The following NOL10 variants were observed in gnomAD, a reference collection of about 807,000 sequenced individuals.
NOL10 encodes H_NH0074G24.1.
NOL10 carries 58 observed loss-of-function variants against 103.5 expected under a neutral mutation model. The observed-to-expected ratio is 0.56, with a 90% confidence interval of 0.45 to 0.70. NOL10 has a LOEUF of 0.70. Ranked by LOEUF, NOL10 falls within the 30% of genes least tolerant of loss-of-function variation. The probability of loss-of-function intolerance (pLI) is 0.00; values close to 1 mark genes in which losing one functional copy is unlikely to be tolerated. For missense variants in NOL10, 763 were observed against 807.3 expected (o/e 0.95, Z 0.67); for synonymous variants, 287 against 282.5 (o/e 1.02, Z -0.16).
intron 19 of NOL10, among the ~76,000 whole-genome samples, chr2:10,583,672 T>A (rs1371060940): frequency 6.6e-6 from 1 of 152,256 alleles, no homozygotes; most frequent in Non-Finnish European, 1.5e-5. Context: ...GAACTGATGG[T>A]GGAGTTTGTG....
intron 13 of NOL10, among the ~76,000 whole-genome samples, chr2:10,631,910 C>A (rs1377976856): frequency 6.6e-6 from 1 of 152,134 alleles, no homozygotes; most frequent in Admixed American, 6.5e-5. Context: ...GACGGGGTTT[C>A]TCCATGTTGG....
intron 13 of NOL10, among the ~76,000 whole-genome samples, chr2:10,641,834 C>A (rs116616509): frequency 0.033 from 5,033 of 152,206 alleles, 292 homozygotes; most frequent in African/African-American, 0.12. Context: ...AGGACTGCCC[C>A]TCCCCACCTC....
Position 10,577,683 on chromosome 2 carries a change from A to C in NOL10, c.1900T>G (p.Ser634Ala). Residue 634 changes from serine (S) to alanine (A), a missense_variant, in exon 20 of 21, where the codon TCC becomes GCC. By Grantham distance (99) the Ser-to-Ala change is moderately conservative (BLOSUM62 1). Transcript: ENST00000381685. ...TGTTTGCTGCCAACGGTGGTGTCGG[A>C]TACACTCAATGTCCCATTTTTTGCT... ...IEAKNGTLSV[S>A]DTTVGSKQLT... is the part of the protein sequence containing the mutation. 1 of 1,613,210 alleles carries C rather than the reference A, an allele frequency of 6.2e-7. No homozygotes were observed. The highest frequency in any genetic ancestry group is 8.5e-7 in the Non-Finnish European group (1 of 1,179,506).
intron 13 of NOL10, among the ~76,000 whole-genome samples, chr2:10,622,496 A>AAAAAAAG (rs144600201): frequency 0.19 from 27,588 of 148,634 alleles, 3,377 homozygotes; most frequent in East Asian, 0.41. Flanking sequence ...TTCAAAAAAA[A>AAAAAAAG]AGAGAGAAGA....
intron 17 of NOL10, among the ~76,000 whole-genome samples, chr2:10,595,848 G>A (rs1675658147): frequency 1.3e-5 from 2 of 151,522 alleles, no homozygotes; most frequent in African/African-American, 4.9e-5. Context: ...CAAGTGATCT[G>A]CCTGCCTTGG....
At chr2:10,666,504 T>G (rs1047114566) in intron 8 of NOL10, among the ~76,000 whole-genome samples, 2 of 152,284 alleles carry the variant, frequency 1.3e-5, no homozygotes, top group Admixed American at 6.5e-5. Flanking sequence ...AATTTTTGTA[T>G]TTTTAGTAGA....
At chr2:10,596,258 GGGGGC>G (rs2148176263) in intron 17 of NOL10, among the ~76,000 whole-genome samples, 1 of 137,576 alleles carries the variant, frequency 7.3e-6, no homozygotes, top group South Asian at 2.9e-4. Context: ...GATGGTGGTG[GGGGGC>G]GGGGGGCGGG....
intron 13 of NOL10, among the ~76,000 whole-genome samples, chr2:10,628,954 G>A (rs1373846722): frequency 6.6e-6 from 1 of 152,090 alleles, no homozygotes; most frequent in Non-Finnish European, 1.5e-5. Flanking sequence ...TAGGGAATTA[G>A]GAACACGTTT....
chr2:10,584,763 T>C (rs1558268368), intron 19 of NOL10, among the ~76,000 whole-genome samples: 1 of 152,168 alleles, frequency 6.6e-6, no homozygotes, highest in Non-Finnish European at 1.5e-5. Context: ...ATATTTAACT[T>C]AGTAAGAATG....
At chr2:10,619,296 C>T (rs1407384267) in intron 13 of NOL10, among the ~76,000 whole-genome samples, 2 of 151,858 alleles carry the variant, frequency 1.3e-5, no homozygotes, top group African/African-American at 4.8e-5. Context: ...AGACATGTAC[C>T]CATGCCTAGC....
At chr2:10,630,859 T>C (rs1243717067) in intron 13 of NOL10, among the ~76,000 whole-genome samples, 1 of 152,234 alleles carries the variant, frequency 6.6e-6, no homozygotes, top group Admixed American at 6.5e-5. Context: ...CACTGATGAA[T>C]CCTTTAGTGT....
chr2:10,649,311 A>ATTTTTTTTTTTTTTTTTTTTTTTTTTT (rs56031158), intron 12 of NOL10, among the ~76,000 whole-genome samples: 1 of 99,046 alleles, frequency 1.0e-5, no homozygotes, highest in Non-Finnish European at 1.9e-5. Context: ...GTATGTTTGA[A>ATTTTTTTTTTTTTTTTTTTTTTTTTTT]TTTTTTTTTT....
intron 13 of NOL10, among the ~76,000 whole-genome samples, chr2:10,637,771 G>A (rs1253422386): frequency 1.3e-5 from 2 of 152,140 alleles, no homozygotes; most frequent in African/African-American, 4.8e-5. Context: ...ATGAACTGCT[G>A]GATAAGCTCC....
chr2:10,682,449 G>C (rs1681841954), intron 2 of NOL10, among the ~76,000 whole-genome samples: 1 of 150,174 alleles, frequency 6.7e-6, no homozygotes, highest in Non-Finnish European at 1.5e-5. Flanking sequence ...ACCCAGACTG[G>C]AGTGCAGTGG....
chr2:10,632,645 T>C (rs1357482065), intron 13 of NOL10, among the ~76,000 whole-genome samples: 1 of 152,196 alleles, frequency 6.6e-6, no homozygotes, highest in Non-Finnish European at 1.5e-5. Flanking sequence ...TAGTCCAAAA[T>C]AGACCATTTT....
At chr2:10,584,506 T>C (rs1174901949) in intron 19 of NOL10, among the ~76,000 whole-genome samples, 2 of 95,422 alleles carry the variant, frequency 2.1e-5, no homozygotes, top group Admixed American at 9.8e-5. Context: ...TTTCCCTTTA[T>C]AGAAACATTT....
chr2:10,668,708 C>A lies in NOL10; in HGVS notation c.480G>T (p.Arg160Ser). 6.6e-7 allele frequency: 1 copy of A among 1,525,828 alleles called. No individual in the cohort carries two copies. The highest frequency in any genetic ancestry group is 1.2e-5 in the South Asian group (1 of 81,202). The allele number at this position is 1,525,828 out of a possible 1,614,324, so 94.5% of individuals were successfully genotyped here. ...YFVGASSEVY[R>S]LNLEQGRYLN... The stretch of plus-strand genomic sequence containing the variant: ...GGTATCGTCCTTGTTCTAAGTTTAA[C>A]CTATAAACTTCAGAACTGTAAAGTA... Residue 160 changes from arginine to serine, a missense_variant, in exon 7 of 21, where the codon AGG becomes AGT. Arg to Ser is a moderately radical substitution (Grantham distance 110). Transcript: ENST00000381685.
rs1484499440 is a variant in NOL10, at chr2:10,659,355, AGG to A, written c.678-107_678-106del. 1.0e-5 allele frequency: 4 copies of A among 384,786 alleles called. No homozygotes were observed. The African/African-American group carries it at 1.6e-4, about 15-fold the overall frequency. 23.8% of individuals were successfully genotyped at this position (384,786 alleles called of 1,614,324 possible). On this transcript the variant is annotated intron_variant, in intron 9 of 20. Transcript: ENST00000381685. Reference sequence around the variant, plus strand: ...TTCAAATCTAATGGGGGGGGGGGGGAGGAATCACATTTCTAGGCTTCTGTTTA... The same window carrying A: ...TTCAAATCTAATGGGGGGGGGGGGGAAATCACATTTCTAGGCTTCTGTTTA...
rs577248572 is a variant in NOL10 at position 10,665,289 on chromosome 2, A to G, written c.591+1929T>C. Among the ~76,000 whole-genome samples the G allele has an allele frequency of 1.7e-4, 26 of 152,366 alleles. No individual in the cohort carries two copies. In the East Asian group the frequency reaches 5.0e-3, roughly 29 times the overall value. Reference sequence around the variant, plus strand: ...CAAAATGGGTATGCAGATAACTTCCAGTGTAAATACAAAATGTATTTTTAA... The same window carrying G: ...CAAAATGGGTATGCAGATAACTTCCGGTGTAAATACAAAATGTATTTTTAA... On this transcript the variant is annotated intron_variant, in intron 8 of 20. Coordinates refer to ENST00000381685, the MANE Select transcript of NOL10 (RefSeq NM_024894.4).
Sources: gnomAD v4.1 joint callset for allele counts (sites outside exome capture counted in the v4.1 genomes callset) on GRCh38, gnomAD v4.1.1 for gene constraint, MANE v1.5 for transcripts, NCBI Gene and HGNC (gene_info 2026-07-23, HGNC 2026-07-21) for gene names.